Variants in LAMB4 observed in about 807,000 individuals in gnomAD.
The protein encoded by LAMB4 is laminin subunit beta 4.
A neutral mutation model predicts 199.2 loss-of-function variants in LAMB4; 196 were observed. That is an observed-to-expected ratio of 0.98 (90% CI 0.88 to 1.11). The LOEUF (loss-of-function observed/expected upper bound fraction) is 1.11, where lower values mean the gene tolerates loss of function less well. Ranked by LOEUF, LAMB4 falls within the 50% of genes least tolerant of loss-of-function variation. The pLI, the probability that LAMB4 is intolerant of heterozygous loss-of-function variation, is 0.00. For synonymous variants in LAMB4, 744 were observed against 770.6 expected (o/e 0.97, Z 0.57); for missense variants, 2,080 against 2,171.2 (o/e 0.96, Z 0.83).
chr7:108,032,623 G>A (rs930621313), intron 31 of LAMB4, among the ~76,000 whole-genome samples: 1 of 151,974 alleles, frequency 6.6e-6, no homozygotes, highest in Non-Finnish European at 1.5e-5. Flanking sequence ...CCACAATCGC[G>A]GTTAGCAAAT....
intron 14 of LAMB4, among the ~76,000 whole-genome samples, chr7:108,088,737 G>C (rs187438093): frequency 2.0e-5 from 3 of 152,298 alleles, no homozygotes; most frequent in Admixed American, 6.5e-5. Context: ...AGTGTAGTCT[G>C]TCCAGAAATG....
In LAMB4 at chr7:108,098,566, G is replaced by A. The variant is rs749732817; in HGVS notation, c.1197C>T (p.Pro399=). Reference sequence around the variant, plus strand: ...AAATGCCACCAGATATGGTCCCATCGGGGTCACATTCACAAGCTGGGGACA... The same window carrying A: ...AAATGCCACCAGATATGGTCCCATCAGGGTCACATTCACAAGCTGGGGACA... The part of the protein sequence containing the change: ...PYACIPCECD[P]DGTISGGICV... The change falls in exon 11 of 34, where the codon CCC becomes CCT. Residue 399 remains proline (P), a synonymous_variant. Coordinates refer to ENST00000388781, the MANE Select transcript of LAMB4 (RefSeq NM_007356.3). 5 of 1,600,662 alleles carry A rather than the reference G, an allele frequency of 3.1e-6. No homozygotes were observed. The highest frequency in any genetic ancestry group is 4.3e-6 in the Non-Finnish European group (5 of 1,175,390).
intron 9 of LAMB4, among the ~76,000 whole-genome samples, chr7:108,103,884 T>C (rs1240830413): frequency 6.6e-6 from 1 of 152,256 alleles, no homozygotes. Context: ...GCTTTTTTAT[T>C]AGAGCTCTTC....
chr7:108,086,567 G>C (rs913197637), intron 14 of LAMB4, among the ~76,000 whole-genome samples: 4 of 152,118 alleles, frequency 2.6e-5, no homozygotes, highest in Non-Finnish European at 5.9e-5. Flanking sequence ...GGCATGGCCC[G>C]CAATTTGAAA....
chr7:108,047,894 GA>G lies in LAMB4; in HGVS notation c.4326+13del. 6.2e-7 allele frequency: 1 copy of G among 1,600,752 alleles called. No homozygotes were observed. Among genetic ancestry groups the G allele is most frequent in the Non-Finnish European group, 8.6e-7 (1 of 1,167,862 alleles). On this transcript the variant is annotated intron_variant, in intron 28 of 33. Transcript: ENST00000388781. ...TGCTATAACTTTACAAATAAAGCAAGAGAAGATATTTACCTGATTTTTCAAC... is the reference window on the plus strand; with the variant it reads ...TGCTATAACTTTACAAATAAAGCAAGGAAGATATTTACCTGATTTTTCAAC...
intron 1 of LAMB4, 66 bp from the exon 2 acceptor site, chr7:108,123,263 G>A (rs2038663004): frequency 3.1e-6 from 3 of 967,426 alleles, no homozygotes; most frequent in Non-Finnish European, 4.8e-6. Context: ...CACATGTTAT[G>A]TAAAAGTGCT....
At chr7:108,123,100 C>A (rs779971018) in intron 2 of LAMB4, 31 bp downstream of exon 2, 9 of 1,586,530 alleles carry the variant, frequency 5.7e-6, no homozygotes, top group African/African-American at 1.4e-5. Context: ...ACAGCGCAAG[C>A]AGTAAATAGA....
rs774589220 is a variant in LAMB4 at position 108,065,838 on chromosome 7, A to AT, written c.2759dup (p.Asn920LysfsTer125). ...GATAACAGGAATGGGCAAAATACTG[A>AT]TTGCTTGAGGGATCATCTGGACACA... On this transcript the variant is annotated frameshift_variant, in exon 21 of 34. Coordinates refer to ENST00000388781, the MANE Select transcript of LAMB4 (RefSeq NM_007356.3). LOFTEE classifies it high-confidence loss of function. 27 of 1,614,112 alleles carry AT rather than the reference A, an allele frequency of 1.7e-5. No individual in the cohort carries two copies. Among genetic ancestry groups the AT allele is most frequent in the Non-Finnish European group, 2.1e-5 (25 of 1,179,950 alleles).
At chr7:108,052,284 G>A (rs1263138664) in intron 25 of LAMB4, 27 bp from the exon 26 acceptor site, 2 of 1,509,942 alleles carry the variant, frequency 1.3e-6, no homozygotes, top group Non-Finnish European at 1.8e-6. Flanking sequence ...GGTAAATGTA[G>A]TTAAGCTTGT....
intron 26 of LAMB4, among the ~76,000 whole-genome samples, chr7:108,051,289 G>T (rs1333938859): frequency 6.6e-6 from 1 of 152,076 alleles, no homozygotes; most frequent in African/African-American, 2.4e-5. Context: ...ATTCCTACCT[G>T]CCTTCTATTT....
intron 4 of LAMB4, among the ~76,000 whole-genome samples, chr7:108,110,880 G>C (rs1440011748): frequency 6.6e-6 from 1 of 152,138 alleles, no homozygotes; most frequent in African/African-American, 2.4e-5. Context: ...TCAAGTGGAT[G>C]ACATAAATAA....
intron 28 of LAMB4, 112 bp from the exon 29 acceptor site, chr7:108,044,008 A>G (rs1280905312): frequency 2.4e-6 from 2 of 843,612 alleles, no homozygotes; most frequent in East Asian, 3.0e-5. Flanking sequence ...TAAAAACTAA[A>G]TAAAAGTCTA....
At chr7:108,047,644 T>TG (rs1364122726) in intron 28 of LAMB4, among the ~76,000 whole-genome samples, 2 of 152,118 alleles carry the variant, frequency 1.3e-5, no homozygotes, top group African/African-American at 4.8e-5. Flanking sequence ...AATTGTAGAG[T>TG]GGAGGCTTGG....
intron 30 of LAMB4, among the ~76,000 whole-genome samples, chr7:108,035,604 C>CAAAAAAAAAAAAAAAAAAAAAAAAA: frequency 1.3e-5 from 1 of 79,946 alleles, no homozygotes; most frequent in Non-Finnish European, 2.4e-5. Context: ...TAGAGAGTAC[C>CAAAAAAAAAAAAAAAAAAAAAAAAA]AAAAAAAAAA....
At chr7:108,052,314 T>TG (rs763857071) in intron 25 of LAMB4, 57 bp from the exon 26 acceptor site, 115 of 1,363,806 alleles carry the variant, frequency 8.4e-5, no homozygotes, top group Non-Finnish European at 1.1e-4. Context: ...GATATATTGG[T>TG]GAAAAAAATG....
chr7:108,049,552 G>C, intron 26 of LAMB4, 21 bp from the exon 27 acceptor site: 1 of 1,429,240 alleles, frequency 7.0e-7, no homozygotes, highest in Non-Finnish European at 9.6e-7. Flanking sequence ...GCAAATTGAA[G>C]TAAGGTAAAT....
chr7:108,088,680 T>C (rs1331131311), intron 14 of LAMB4, among the ~76,000 whole-genome samples: 2 of 152,228 alleles, frequency 1.3e-5, no homozygotes, highest in African/African-American at 2.4e-5. Context: ...CTTTCTCTTC[T>C]CTCTGTTACC....
At chr7:108,101,384 G>C (rs942544494) in intron 10 of LAMB4, among the ~76,000 whole-genome samples, 1 of 152,100 alleles carries the variant, frequency 6.6e-6, no homozygotes, top group African/African-American at 2.4e-5. Flanking sequence ...CTGTTCCTCA[G>C]CTTTATCATA....
rs1320529021 is a variant in LAMB4 at position 108,023,783 on chromosome 7, GA to G, written c.*255del. On this transcript the variant is annotated 3_prime_UTR_variant, in exon 34 of 34. Coordinates refer to ENST00000388781, the MANE Select transcript of LAMB4 (RefSeq NM_007356.3). ...ATGGAAACTGTTATTTTTAAGTTAGGAAAGAGAAAGGAAGGTAAGAGGAAAA... is the reference window on the plus strand; with the variant it reads ...ATGGAAACTGTTATTTTTAAGTTAGGAAGAGAAAGGAAGGTAAGAGGAAAA... 1 of 270,500 alleles carries G rather than the reference GA, an allele frequency of 3.7e-6. No homozygotes were observed. The highest frequency in any genetic ancestry group is 6.8e-6 in the Non-Finnish European group (1 of 146,388). 16.8% of individuals were successfully genotyped at this position (270,500 alleles called of 1,614,324 possible).
Sources: allele counts gnomAD v4.1 joint callset (sites outside exome capture counted in the v4.1 genomes callset), GRCh38; gene constraint gnomAD v4.1.1; transcripts MANE v1.5; gene names NCBI Gene and HGNC (gene_info 2026-07-23, HGNC 2026-07-21).